KLHL32: variants seen among roughly 807,000 people sequenced by gnomAD.
KLHL32 encodes kelch-like protein 32.
Under a neutral mutation model 64.8 loss-of-function variants are expected in KLHL32, and 35 were observed. The observed-to-expected ratio is 0.54, with a 90% confidence interval of 0.41 to 0.72. The LOEUF is 0.72. Among genes scored for constraint, KLHL32 ranks in the 30% least tolerant of loss-of-function variants. The pLI is 0.00. For synonymous variants in KLHL32, 259 were observed against 281.0 expected, an observed-to-expected ratio of 0.92 and a Z score of 0.78; for missense variants, 589 against 768.5, an observed-to-expected ratio of 0.77 and a Z score of 2.76.
intron 6 of KLHL32, among the ~76,000 whole-genome samples, chr6:97,093,167 TG>T (rs1367946657): frequency 1.3e-5 from 2 of 152,068 alleles, no homozygotes; most frequent in African/African-American, 4.8e-5. Flanking sequence ...GCTGCTAACC[TG>T]GGTTATCAGG....
chr6:97,058,035 T>A (rs1394602665), intron 4 of KLHL32, among the ~76,000 whole-genome samples: 6 of 152,204 alleles, frequency 3.9e-5, no homozygotes, highest in Non-Finnish European at 2.9e-5. Context: ...TATAATATTA[T>A]CTATGCTCTT....
chr6:97,040,206 G>C (rs377691285), intron 3 of KLHL32, among the ~76,000 whole-genome samples: 1 of 151,938 alleles, frequency 6.6e-6, no homozygotes, highest in East Asian at 1.9e-4. Context: ...GAATCTCAGG[G>C]AACAGTTCCC....
At position 97,132,635 on chromosome 6, in the gene KLHL32, C is replaced by A. The variant is rs1799559510; in HGVS notation, c.1607-18C>A. The A allele has an allele frequency of 6.5e-7, 1 of 1,544,370 alleles. No individual in the cohort carries two copies. Among genetic ancestry groups the A allele is most frequent in the South Asian group, 1.2e-5 (1 of 86,254 alleles). ...GAAATGGATTTTTTTTCTTTTTATT[C>A]AATTCTCTTTACTTTAGGCCAAAAT... On this transcript the variant is annotated intron_variant, in intron 9 of 10. Coordinates refer to ENST00000369261, the MANE Select transcript of KLHL32 (RefSeq NM_052904.4).
intron 3 of KLHL32, among the ~76,000 whole-genome samples, chr6:96,991,652 G>T (rs1256165082): frequency 6.6e-6 from 1 of 152,070 alleles, no homozygotes; most frequent in East Asian, 1.9e-4. Context: ...TTTCTGTAAG[G>T]CAGCTCTGCC....
intron 7 of KLHL32, among the ~76,000 whole-genome samples, chr6:97,115,564 A>G (rs1446957927): frequency 1.3e-5 from 2 of 152,194 alleles, no homozygotes; most frequent in Non-Finnish European, 2.9e-5. Context: ...CTCTACACCC[A>G]CAGACCCATC....
At chr6:96,921,095 C>CAGA (rs1768740430), upstream of KLHL32, among the ~76,000 whole-genome samples, 2 of 152,136 alleles carry the variant, frequency 1.3e-5, no homozygotes, top group Admixed American at 1.3e-4. Flanking sequence ...ATGAAAATTA[C>CAGA]AATTTATTTT....
At chr6:97,103,380 AT>A (rs1219906074) in intron 6 of KLHL32, among the ~76,000 whole-genome samples, 4 of 151,830 alleles carry the variant, frequency 2.6e-5, no homozygotes, top group Admixed American at 6.6e-5. Flanking sequence ...CACCTGGGTA[AT>A]TTTTTGTATT....
chr6:97,068,781 G>A (rs976553906), intron 5 of KLHL32, among the ~76,000 whole-genome samples: 5 of 152,118 alleles, frequency 3.3e-5, no homozygotes, highest in African/African-American at 9.7e-5. Context: ...CACTCATTAG[G>A]TTATGAATTA....
chr6:97,053,092 A>ACACACACACACG (rs1554226218), intron 4 of KLHL32, among the ~76,000 whole-genome samples: 1 of 152,066 alleles, frequency 6.6e-6, no homozygotes, highest in African/African-American at 2.4e-5. Context: ...ATACACACAC[A>ACACACACACACG]CACACACACA....
chr6:96,954,474 T>C (rs966661586), intron 1 of KLHL32, among the ~76,000 whole-genome samples: 5 of 152,296 alleles, frequency 3.3e-5, no homozygotes, highest in East Asian at 1.9e-4. Context: ...AGTGATCTGG[T>C]TGAGCCATTT....
intron 4 of KLHL32, among the ~76,000 whole-genome samples, chr6:97,060,110 T>C (rs771534776): frequency 6.6e-6 from 1 of 152,158 alleles, no homozygotes; most frequent in Non-Finnish European, 1.5e-5. Flanking sequence ...TTCAGTCCAC[T>C]GTACACATAG....
intron 8 of KLHL32, 50 bp downstream of exon 8, chr6:97,127,512 AG>A (rs764513864): frequency 2.8e-6 from 4 of 1,418,672 alleles, no homozygotes; most frequent in South Asian, 1.2e-5. Flanking sequence ...GAATTTTAAA[AG>A]ATTCCAGAGT....
At chr6:97,073,355 A>C (rs1791062804) in intron 5 of KLHL32, among the ~76,000 whole-genome samples, 1 of 152,180 alleles carries the variant, frequency 6.6e-6, no homozygotes, top group African/African-American at 2.4e-5. Context: ...ATGAACCGTC[A>C]CTTTCTTTCT....
In KLHL32 at chr6:97,114,096, A is replaced by G. The variant is rs761678357; in HGVS notation, c.941A>G (p.Asp314Gly). 2 of 1,614,078 alleles carry G rather than the reference A, an allele frequency of 1.2e-6. No individual in the cohort carries two copies. Among genetic ancestry groups the G allele is most frequent in the East Asian group, 4.5e-5 (2 of 44,900 alleles). ...GAACTTCGGTACTTCAATCCTGTTGATCAGGAGAATGCTCTCATAGCTGCC... is the reference window on the plus strand; with the variant it reads ...GAACTTCGGTACTTCAATCCTGTTGGTCAGGAGAATGCTCTCATAGCTGCC... ...VKELRYFNPV[D>G]QENALIAAIA... The change falls in exon 7 of 11, where the codon GAT becomes GGT. Residue 314 changes from aspartate to glycine, a missense_variant. Transcript: ENST00000369261.
At chr6:96,980,556 G>A (rs569462506) in intron 3 of KLHL32, among the ~76,000 whole-genome samples, 2 of 152,158 alleles carry the variant, frequency 1.3e-5, no homozygotes, top group African/African-American at 2.4e-5. Context: ...TTCTGGATTT[G>A]ATTTGCTAGT....
intron 4 of KLHL32, among the ~76,000 whole-genome samples, chr6:97,053,108 A>G (rs1369375601): frequency 6.6e-6 from 1 of 152,024 alleles, no homozygotes; most frequent in Admixed American, 6.6e-5. Context: ...ACACACGCAC[A>G]CACATTCTCT....
intron 1 of KLHL32, among the ~76,000 whole-genome samples, chr6:96,938,791 C>G (rs778721621): frequency 1.6e-4 from 24 of 152,046 alleles, no homozygotes; most frequent in Non-Finnish European, 1.6e-4. Flanking sequence ...ACAGTTACAC[C>G]CACCCTGCAG....
intron 6 of KLHL32, among the ~76,000 whole-genome samples, chr6:97,106,617 G>A (rs1026397079): frequency 1.2e-4 from 18 of 151,934 alleles, no homozygotes; most frequent in Admixed American, 3.3e-4. Flanking sequence ...AATGGCGCAC[G>A]CTTGTAATCC....
upstream of KLHL32, among the ~76,000 whole-genome samples, chr6:96,922,099 T>C (rs556607220): frequency 4.6e-4 from 70 of 152,332 alleles, no homozygotes; most frequent in African/African-American, 1.4e-3. Context: ...TGGCACCCAA[T>C]TTCCTATAGT....
Sources: allele counts gnomAD v4.1 joint callset (sites outside exome capture counted in the v4.1 genomes callset), GRCh38; gene constraint gnomAD v4.1.1; transcripts MANE v1.5; gene names NCBI Gene and HGNC (gene_info 2026-07-23, HGNC 2026-07-21).